GRSF1: variants seen among roughly 807,000 people sequenced by gnomAD.
GRSF1 encodes G-rich RNA sequence binding factor 1, also known as G-rich sequence factor 1.
Under a neutral mutation model 51.1 loss-of-function variants are expected in GRSF1, and 50 were observed. That is an observed-to-expected ratio of 0.98 (90% CI 0.78 to 1.24). The LOEUF (loss-of-function observed/expected upper bound fraction) is 1.24. Among genes scored for constraint, GRSF1 ranks in the 50% most tolerant of loss-of-function variants. The probability of loss-of-function intolerance (pLI) is 0.00; values close to 1 mark genes in which losing one functional copy is unlikely to be tolerated. For missense variants in GRSF1, 700 were observed against 639.7 expected (o/e 1.09, Z -1.02); for synonymous variants, 293 against 253.3 (o/e 1.16, Z -1.49).
chr4:70,824,238 G>A (rs547803068), intron 9 of GRSF1, 56 bp downstream of exon 9: 90 of 767,642 alleles, frequency 1.2e-4, no homozygotes, highest in Non-Finnish European at 1.7e-4. Flanking sequence ...CCAAAGTACT[G>A]GGATTACAGG....
intron 6 of GRSF1, 38 bp downstream of exon 6, chr4:70,827,814 A>G (rs1047844077): frequency 1.4e-6 from 2 of 1,430,076 alleles, no homozygotes; most frequent in African/African-American, 2.9e-5. Context: ...AACATTCAAG[A>G]TAGACCCAAT....
chr4:70,833,157 C>CT lies in GRSF1; in HGVS notation c.630dup (p.Glu211ArgfsTer16). ...TGGCCCATGTACATGCGGTGCTTCT[C>CT]TAAGGCTTTCTGCACATCCTGCTCT... On this transcript the variant is annotated frameshift_variant, in exon 3 of 10. Coordinates refer to ENST00000254799, the MANE Select transcript of GRSF1 (RefSeq NM_002092.4). LOFTEE classifies it high-confidence loss of function. 1 of 1,613,972 alleles carries CT rather than the reference C, an allele frequency of 6.2e-7. No homozygotes were observed. Among genetic ancestry groups the CT allele is most frequent in the Non-Finnish European group, 8.5e-7 (1 of 1,179,880 alleles).
In GRSF1 at chr4:70,819,728, GA is replaced by G. The variant is rs1560591402; in HGVS notation, c.*1158del. 6.6e-6 allele frequency: 1 copy of G among 152,552 alleles called. No homozygotes were observed. Among genetic ancestry groups the G allele is most frequent in the Non-Finnish European group, 1.5e-5 (1 of 68,024 alleles). The allele number at this position is 152,552 out of a possible 1,614,324, so 9.4% of individuals were successfully genotyped here. On this transcript the variant is annotated 3_prime_UTR_variant, in exon 10 of 10. Transcript: ENST00000254799. ...GTGGCAGTCGTCACCCTGAGAACAG[GA>G]ACAAGGCAAAGAAAGCATACAGGAT... is the stretch of plus-strand genomic sequence containing the variant.
intron 1 of GRSF1, 54 bp downstream of exon 1, chr4:70,839,417 G>A: frequency 2.0e-6 from 3 of 1,506,690 alleles, no homozygotes; most frequent in Non-Finnish European, 8.8e-7. Flanking sequence ...GCGGGGGCGC[G>A]TGCACGCGGC....
chr4:70,839,218 C>A (rs1734355373), intron 1 of GRSF1: 1 of 1,440,434 alleles, frequency 6.9e-7, no homozygotes. Context: ...TTCACCCCAG[C>A]CACACTTACA....
At chr4:70,820,939 T>C (rs1019517150) in intron 9 of GRSF1, 78 bp from the exon 10 acceptor site, 15 of 152,408 alleles carry the variant, frequency 9.8e-5, no homozygotes, top group African/African-American at 3.6e-4. Flanking sequence ...CATTTAAAAT[T>C]GCAAATTCAA....
At chr4:70,839,446 CA>C in intron 1 of GRSF1, 24 bp downstream of exon 1, 1 of 1,471,398 alleles carries the variant, frequency 6.8e-7, no homozygotes, top group Non-Finnish European at 8.9e-7. Context: ...GATCTCGCGC[CA>C]GGTCCCTCAC....
chr4:70,831,130 G>A (rs1186324385), intron 5 of GRSF1, among the ~76,000 whole-genome samples: 1 of 152,038 alleles, frequency 6.6e-6, no homozygotes, highest in Admixed American at 6.6e-5. Context: ...GGCCGAGGCG[G>A]GCGGATCACA....
chr4:70,834,291 T>C (rs987676743), intron 2 of GRSF1, among the ~76,000 whole-genome samples: 2 of 151,562 alleles, frequency 1.3e-5, no homozygotes, highest in African/African-American at 4.9e-5. Context: ...CATAGTCAGA[T>C]ACAGAAACTA....
intron 3 of GRSF1, 111 bp downstream of exon 3, chr4:70,833,007 T>C: frequency 1.1e-6 from 1 of 903,410 alleles, no homozygotes; most frequent in Non-Finnish European, 1.7e-6. Context: ...TATAAAAGAA[T>C]GCATTCATAC....
intron 9 of GRSF1, among the ~76,000 whole-genome samples, 160 bp from the exon 10 acceptor site, chr4:70,821,021 T>C (rs1170897390): frequency 2.0e-5 from 3 of 152,248 alleles, no homozygotes; most frequent in African/African-American, 4.8e-5. Context: ...TAGTCAGGCA[T>C]TAGTGTTTAC....
At chr4:70,827,167 AGT>A (rs1375943946) in intron 6 of GRSF1, among the ~76,000 whole-genome samples, 1 of 152,000 alleles carries the variant, frequency 6.6e-6, no homozygotes, top group African/African-American at 2.4e-5. Flanking sequence ...AGGCGCCTGT[AGT>A]CCCAGCTACT....
rs1425624702 is a variant in GRSF1, at chr4:70,818,936, G to C, written c.*1951C>G. 1 of 152,026 alleles carries C rather than the reference G, an allele frequency of 6.6e-6. No homozygotes were observed. Among genetic ancestry groups the C allele is most frequent in the Non-Finnish European group, 1.5e-5 (1 of 68,004 alleles). The allele number at this position is 152,026 out of a possible 1,614,324, so 9.4% of individuals were successfully genotyped here. On this transcript the variant is annotated 3_prime_UTR_variant, in exon 10 of 10. Coordinates refer to ENST00000254799, the MANE Select transcript of GRSF1 (RefSeq NM_002092.4). ...TAAGATTACTTTTACTGTATTATGT[G>C]CTTCTCTTCCTTTCCCATAACTACA... is the stretch of plus-strand genomic sequence containing the variant.
At chr4:70,830,740 A>C (rs1733929126) in intron 5 of GRSF1, among the ~76,000 whole-genome samples, 1 of 151,042 alleles carries the variant, frequency 6.6e-6, no homozygotes, top group African/African-American at 2.4e-5. Context: ...GATCACATGA[A>C]ACTGGGAGGC....
intron 8 of GRSF1, 144 bp from the exon 9 acceptor site, chr4:70,824,512 T>A: frequency 1.8e-6 from 1 of 546,040 alleles, no homozygotes; most frequent in Non-Finnish European, 3.4e-6. Flanking sequence ...CCAGACACGG[T>A]GGCTCACGCC....
rs577909875 is a variant in GRSF1 at position 70,823,974 on chromosome 4, C to CTTTTTTTTTTTTTTTTTTTTTTTTTTT, written c.*25+319_*25+320insAAAAAAAAAAAAAAAAAAAAAAAAAAA. Among the ~76,000 whole-genome samples the CTTTTTTTTTTTTTTTTTTTTTTTTTTT allele has an allele frequency of 4.0e-5, 4 of 100,932 alleles. 2 individuals are homozygous for CTTTTTTTTTTTTTTTTTTTTTTTTTTT. Among genetic ancestry groups the CTTTTTTTTTTTTTTTTTTTTTTTTTTT allele is most frequent in the Non-Finnish European group, 3.7e-5 (2 of 53,520 alleles). The allele number at this position is 100,932 out of a possible 152,430, so 66.2% of individuals were successfully genotyped here. A position where few individuals can be genotyped will look rare whatever the true frequency, so the allele number is the denominator to read the frequency against. ...AAATAATTTCCACAGTTGTATCTCT[C>CTTTTTTTTTTTTTTTTTTTTTTTTTTT]TCTTTTTTTTTTTTTTTTTTGAGTC... On this transcript the variant is annotated intron_variant, in intron 9 of 9. Transcript: ENST00000254799.
chr4:70,831,026 C>T (rs1733945477), intron 5 of GRSF1, among the ~76,000 whole-genome samples: 1 of 152,098 alleles, frequency 6.6e-6, no homozygotes, highest in Admixed American at 6.6e-5. Flanking sequence ...AATCTAGCTG[C>T]TCTAGGTACT....
intron 9 of GRSF1, among the ~76,000 whole-genome samples, chr4:70,821,598 TC>T (rs371938144): frequency 0.011 from 1,445 of 132,664 alleles, 20 homozygotes; most frequent in African/African-American, 0.039. Flanking sequence ...AGAGAGAGAC[TC>T]CGTCTCCCAA....
chr4:70,837,785 G>A (rs1734276924), intron 1 of GRSF1, among the ~76,000 whole-genome samples: 1 of 149,876 alleles, frequency 6.7e-6, no homozygotes, highest in African/African-American at 2.5e-5. Context: ...ACAGGCGCCC[G>A]CCACCCCGCC....
Sources: allele counts gnomAD v4.1 joint callset (sites outside exome capture counted in the v4.1 genomes callset), GRCh38; gene constraint gnomAD v4.1.1; transcripts MANE v1.5; gene names NCBI Gene and HGNC (gene_info 2026-07-23, HGNC 2026-07-21).